KRT74: variants seen among roughly 807,000 people sequenced by gnomAD.
KRT74 encodes keratin 74, also known as keratin, type II cytoskeletal 74.
A neutral mutation model predicts 42.7 loss-of-function variants in KRT74; 43 were observed. The observed-to-expected ratio is 1.01, with a 90% CI of 0.79 to 1.30. KRT74 has a LOEUF of 1.30. Ranked by LOEUF, KRT74 falls within the 50% of genes most tolerant of loss-of-function variation. The probability of loss-of-function intolerance (pLI) is 0.00; values close to 1 mark genes in which losing one functional copy is unlikely to be tolerated. For synonymous variants in KRT74, 302 were observed against 279.0 expected, an observed-to-expected ratio of 1.08 and a Z score of -0.82; for missense variants, 736 against 689.1, an observed-to-expected ratio of 1.07 and a Z score of -0.76.
At chr12:52,567,758 G>A (rs769152745) in intron 7 of KRT74, 65 bp from the exon 8 acceptor site, 57 of 1,198,078 alleles carry the variant, frequency 4.8e-5, no homozygotes, top group Admixed American at 1.9e-4. Flanking sequence ...ACATCAATGG[G>A]CTCCTGCTTT....
In KRT74 at chr12:52,566,984, C is replaced by T; in HGVS notation, c.1575G>A (p.Arg525=). Residue 525 remains arginine (R), a synonymous_variant, in exon 9 of 9, where the codon AGG becomes AGA. Transcript: ENST00000305620. The stretch of plus-strand genomic sequence containing the variant: ...GGCCATGGGTCTAGCGGGTGGCTTT[C>T]CTTGCTGGGATGCTGGCTGGGGTGC... ...GKSTPASIPA[R]KATR 6.2e-7 allele frequency: 1 copy of T among 1,609,898 alleles called. No homozygotes were observed. Among genetic ancestry groups the T allele is most frequent in the Non-Finnish European group, 8.5e-7 (1 of 1,177,406 alleles).
chr12:52,570,052 C>T, intron 5 of KRT74, 68 bp from the exon 6 acceptor site: 1 of 1,549,188 alleles, frequency 6.5e-7, no homozygotes, highest in East Asian at 2.3e-5. Flanking sequence ...GTAAATAAGC[C>T]ACCCCTGCCA....
At chr12:52,569,603 T>A in intron 6 of KRT74, 1 of 602,518 alleles carries the variant, frequency 1.7e-6, no homozygotes. Context: ...GAAAGTCCCT[T>A]CCCCTTCCCA....
chr12:52,572,615 A>T lies in KRT74; in HGVS notation c.524T>A (p.Leu175Gln), dbSNP rs780244506. Reference protein sequence around the residue: ...NQVLETKWELLQQLDLNNCKK... With the variant: ...NQVLETKWELQQQLDLNNCKK... ...GCAGTTGTTCAGGTCCAGCTGCTGC[A>T]GCAGCTCCCACTTGGTTTCTAGAAC... is the stretch of plus-strand genomic sequence containing the variant. The change falls in exon 2 of 9, where the codon CTG (leucine) becomes CAG (glutamine). Residue 175 changes from leucine (L) to glutamine (Q), a missense_variant. Leu to Gln is a moderately radical substitution (Grantham distance 113). Coordinates refer to ENST00000305620, the MANE Select transcript of KRT74 (RefSeq NM_175053.4). The T allele has an allele frequency of 6.2e-7, 1 of 1,614,164 alleles. No homozygotes were observed. Among genetic ancestry groups the T allele is most frequent in the South Asian group, 1.1e-5 (1 of 91,074 alleles).
In KRT74 at chr12:52,567,688, G is replaced by C. The variant is rs143150280; in HGVS notation, c.1361C>G (p.Ser454Cys). The stretch of plus-strand genomic sequence containing the variant: ...GCTCACAGAGGATGGATTCTCACCA[G>C]ACATCCTGTGAGACAGAAAGTTAGA... ...KLLEGEECRM[S>C]GENPSSVSIS... The change falls in exon 8 of 9, where the codon TCT becomes TGT. Residue 454 changes from serine (S) to cysteine (C), a missense_variant. Transcript: ENST00000305620. The C allele has an allele frequency of 1.2e-6, 2 of 1,610,668 alleles. No individual in the cohort carries two copies. The highest frequency in any genetic ancestry group is 2.7e-5 in the African/African-American group (2 of 74,822).
intron 5 of KRT74, 60 bp from the exon 6 acceptor site, chr12:52,570,044 A>T: frequency 6.3e-7 from 1 of 1,592,912 alleles, no homozygotes; most frequent in Non-Finnish European, 8.6e-7. Flanking sequence ...AGGGTCCTGT[A>T]AATAAGCCAC....
At position 52,573,625 on chromosome 12, in the gene KRT74, A is replaced by G; in HGVS notation, c.153T>C (p.Tyr51=). 1.2e-6 allele frequency: 2 copies of G among 1,614,174 alleles called. No homozygotes were observed. Among genetic ancestry groups the G allele is most frequent in the Non-Finnish European group, 1.7e-6 (2 of 1,180,024 alleles). The change falls in exon 1 of 9, where the codon TAT becomes TAC. Residue 51 remains tyrosine, a synonymous_variant. Coordinates refer to ENST00000305620, the MANE Select transcript of KRT74 (RefSeq NM_175053.4). ...AGAGFGSRSL[Y]SLGGNRRISF... The stretch of plus-strand genomic sequence containing the variant: ...AAATACGCCGATTCCCTCCAAGGCT[A>G]TAGAGGCTCCGACTGCCAAAGCCAG...
At position 52,573,582 on chromosome 12, in the gene KRT74, C is replaced by T. The variant is rs1939528980; in HGVS notation, c.196G>A (p.Gly66Ser). The change falls in exon 1 of 9, where the codon GGC becomes AGC. Residue 66 changes from glycine to serine, a missense_variant. Transcript: ENST00000305620. ...CCGTAACCTCCAGCCCGAACGCCGC[C>T]ACCAGCCACATTGAAAGAAATACGC... is the stretch of plus-strand genomic sequence containing the variant. ...NRRISFNVAG[G>S]GVRAGGYGFR... 5.6e-6 allele frequency: 9 copies of T among 1,614,180 alleles called. No homozygotes were observed. The highest frequency in any genetic ancestry group is 7.6e-6 in the Non-Finnish European group (9 of 1,180,048).
At chr12:52,568,648 G>A in intron 6 of KRT74, 1 of 556,558 alleles carries the variant, frequency 1.8e-6, no homozygotes, top group Non-Finnish European at 3.2e-6. Flanking sequence ...GTTAGATAGT[G>A]CCTGAGACCG....
intron 7 of KRT74, 143 bp downstream of exon 7, chr12:52,568,026 G>T (rs1939409348): frequency 1.0e-6 from 1 of 968,832 alleles, no homozygotes; most frequent in Non-Finnish European, 1.6e-6. Flanking sequence ...ACAACCCCTT[G>T]CAGGAAGCTG....
rs757646743 is a variant in KRT74 at position 52,570,878 on chromosome 12, C to T, written c.844-45G>A. 5.6e-6 allele frequency: 9 copies of T among 1,610,520 alleles called. No homozygotes were observed. In the Admixed American group the frequency reaches 1.3e-4, roughly 24 times the overall value. On this transcript the variant is annotated intron_variant, in intron 4 of 8. Transcript: ENST00000305620. ...CAGATTCAGCAACCCCCTGGCTTCCCTCTTCTGCCCCATCAGTCTTCTGGG... is the reference window on the plus strand; with the variant it reads ...CAGATTCAGCAACCCCCTGGCTTCCTTCTTCTGCCCCATCAGTCTTCTGGG...
intron 6 of KRT74, chr12:52,569,650 A>G: frequency 1.6e-6 from 1 of 633,200 alleles, no homozygotes; most frequent in East Asian, 2.7e-5. Flanking sequence ...GGAGTCAGAG[A>G]AATAGGTTTG....
intron 8 of KRT74, 139 bp downstream of exon 8, chr12:52,567,520 C>T (rs1939401002): frequency 8.0e-6 from 6 of 748,388 alleles, no homozygotes; most frequent in Admixed American, 1.9e-5. Context: ...AAAGGGAGAA[C>T]ATTTCCTTTG....
rs964458754 is a variant in KRT74, at chr12:52,569,622, G to A, written c.1134+237C>T. 21 of 608,236 alleles carry A rather than the reference G, an allele frequency of 3.5e-5. No homozygotes were observed. In the African/African-American group the frequency reaches 3.9e-4, roughly 11 times the overall value. The allele number at this position is 608,236 out of a possible 1,614,324, so 37.7% of individuals were successfully genotyped here. On this transcript the variant is annotated intron_variant, in intron 6 of 8. Coordinates refer to ENST00000305620, the MANE Select transcript of KRT74 (RefSeq NM_175053.4). Reference sequence around the variant, plus strand: ...GTCCCTTCCCCTTCCCAGCCCAGTTGCTTTATCTGCAAAATGAGGAGTCAG... The same window carrying A: ...GTCCCTTCCCCTTCCCAGCCCAGTTACTTTATCTGCAAAATGAGGAGTCAG...
rs538100450 is a variant in KRT74 at position 52,569,046 on chromosome 12, G to A, written c.1135-657C>T. Reference sequence around the variant, plus strand: ...TTGTGAATCGGCCAAATGTAGAGTCGTAGAGTTGTCCCTGTGTTTGCCTGC... The same window carrying A: ...TTGTGAATCGGCCAAATGTAGAGTCATAGAGTTGTCCCTGTGTTTGCCTGC... On this transcript the variant is annotated intron_variant, in intron 6 of 8. Transcript: ENST00000305620. 2.0e-5 allele frequency among the ~76,000 whole-genome samples: 3 copies of A among 152,306 alleles called. No homozygotes were observed. In the South Asian group the frequency reaches 6.2e-4, roughly 32 times the overall value.
intron 8 of KRT74, 124 bp from the exon 9 acceptor site, chr12:52,567,292 T>G (rs1233742498): frequency 1.2e-6 from 1 of 822,392 alleles, no homozygotes; most frequent in African/African-American, 1.7e-5. Flanking sequence ...AGAACCACCC[T>G]CAGTAGTCAA....
intron 5 of KRT74, among the ~76,000 whole-genome samples, chr12:52,570,192 G>A (rs958132977): frequency 6.6e-6 from 1 of 152,246 alleles, no homozygotes; most frequent in East Asian, 1.9e-4. Context: ...CCAAAGCATA[G>A]TTCCATTACT....
chr12:52,572,305 A>G (rs1322352270), intron 2 of KRT74, 148 bp downstream of exon 2: 17 of 820,194 alleles, frequency 2.1e-5, no homozygotes, highest in Non-Finnish European at 3.3e-5. Flanking sequence ...CAAAGAGGAT[A>G]GGCCCTTCCC....
At position 52,571,429 on chromosome 12, in the gene KRT74, T is replaced by C; in HGVS notation, c.773A>G (p.Lys258Arg). 6.2e-7 allele frequency: 1 copy of C among 1,613,940 alleles called. No homozygotes were observed. Among genetic ancestry groups the C allele is most frequent in the Non-Finnish European group, 8.5e-7 (1 of 1,179,830 alleles). ...KKDADAAYAV[K>R]VELQAKVDSL... ...GTCCACTTTGGCCTGAAGCTCCACC[T>C]TGACTGCGTAGGCTGCATCTGCATC... Residue 258 changes from lysine (K) to arginine (R), a missense_variant, in exon 4 of 9, where the codon AAG becomes AGG. Coordinates refer to ENST00000305620, the MANE Select transcript of KRT74 (RefSeq NM_175053.4).
Sources: allele counts gnomAD v4.1 joint callset (sites outside exome capture counted in the v4.1 genomes callset), GRCh38; gene constraint gnomAD v4.1.1; transcripts MANE v1.5; gene names NCBI Gene and HGNC (gene_info 2026-07-23, HGNC 2026-07-21).